VKORC1L1: variants seen among roughly 807,000 people sequenced by gnomAD.
VKORC1L1 encodes the protein vitamin K epoxide reductase complex subunit 1-like protein 1.
Under a neutral mutation model 18.9 loss-of-function variants are expected in VKORC1L1, and 2 were observed. That is an observed-to-expected ratio of 0.11 (90% confidence interval 0.04 to 0.33). The LOEUF (loss-of-function observed/expected upper bound fraction) is 0.33, where lower values mean the gene tolerates loss of function less well. VKORC1L1 is among the 10% of genes least tolerant of loss of function. The pLI is 1.00. For synonymous variants in VKORC1L1, 96 were observed against 100.0 expected (o/e 0.96, Z 0.24); for missense variants, 123 against 224.1 (o/e 0.55, Z 2.88).
chr7:65,891,240 G>A (rs1789106645), intron 1 of VKORC1L1, among the ~76,000 whole-genome samples: 1 of 150,676 alleles, frequency 6.6e-6, no homozygotes, highest in African/African-American at 2.4e-5. Flanking sequence ...TTTGGCTATT[G>A]TGAATTAAGC....
At chr7:65,873,634 C>G (rs1788770836) in intron 1 of VKORC1L1, 69 bp downstream of exon 1, 2 of 1,198,154 alleles carry the variant, frequency 1.7e-6, no homozygotes, top group Admixed American at 3.4e-5. Flanking sequence ...GGGTGGGGAG[C>G]GCGCGGCGGG....
At chr7:65,873,603 CGGGGCGAGG>C in intron 1 of VKORC1L1, 38 bp downstream of exon 1, 1 of 1,301,270 alleles carries the variant, frequency 7.7e-7, no homozygotes, top group South Asian at 1.3e-5. Context: ...AGCGGCCGAG[CGGGGCGAGG>C]GTGGAGTCTC....
intron 1 of VKORC1L1, among the ~76,000 whole-genome samples, chr7:65,915,597 C>T (rs1179752210): frequency 1.3e-5 from 2 of 150,944 alleles, no homozygotes; most frequent in East Asian, 2.0e-4. Flanking sequence ...ATTCTCCCTT[C>T]GTCTCTCCAT....
At chr7:65,917,049 G>A (rs1789600458) in intron 1 of VKORC1L1, among the ~76,000 whole-genome samples, 1 of 151,988 alleles carries the variant, frequency 6.6e-6, no homozygotes, top group Admixed American at 6.6e-5. Flanking sequence ...TTAGATGATA[G>A]TATTAGCATA....
At chr7:65,919,936 G>T (rs945721979) in intron 1 of VKORC1L1, among the ~76,000 whole-genome samples, 13 of 151,992 alleles carry the variant, frequency 8.6e-5, no homozygotes, top group Non-Finnish European at 1.9e-4. Context: ...ACCACCCCTT[G>T]GATGCCCATT....
intron 1 of VKORC1L1, among the ~76,000 whole-genome samples, chr7:65,902,065 A>G (rs1241343803): frequency 1.3e-5 from 2 of 152,212 alleles, no homozygotes; most frequent in Non-Finnish European, 2.9e-5. Flanking sequence ...GTCCAGCCCT[A>G]TTTAAAGAAA....
chr7:65,870,809 G>A (rs139315552), upstream of VKORC1L1, among the ~76,000 whole-genome samples: 340 of 152,214 alleles, frequency 2.2e-3, no homozygotes, highest in African/African-American at 7.4e-3. Flanking sequence ...TAATCAGTGT[G>A]TCATTCTGTC....
At position 65,891,121 on chromosome 7, in the gene VKORC1L1, A is replaced by T. The variant is rs146439737; in HGVS notation, c.194+17556A>T. On this transcript the variant is annotated intron_variant, in intron 1 of 2. Coordinates refer to ENST00000360768, the MANE Select transcript of VKORC1L1 (RefSeq NM_173517.6). ...ATAATTTTTTTTTTTTTTTTTTGCA[A>T]TTTATCCAACTTGGTGGTGGTATGA... Among the ~76,000 whole-genome samples the T allele has an allele frequency of 9.9e-3, 1,371 of 137,998 alleles. 25 individuals carry two copies. The highest frequency in any genetic ancestry group is 0.032 in the African/African-American group (1,231 of 39,044). 90.5% of individuals were successfully genotyped at this position (137,998 alleles called of 152,430 possible). A position where few individuals can be genotyped will look rare whatever the true frequency, so the allele number is the denominator to read the frequency against.
intron 1 of VKORC1L1, among the ~76,000 whole-genome samples, chr7:65,925,095 C>A (rs1320271706): frequency 1.3e-5 from 2 of 152,320 alleles, no homozygotes; most frequent in East Asian, 3.9e-4. Context: ...ACTTCTAAAT[C>A]TGCATTTCAG....
chr7:65,868,279 A>AC (rs112094477), upstream of VKORC1L1, among the ~76,000 whole-genome samples: 63 of 152,100 alleles, frequency 4.1e-4, no homozygotes, highest in East Asian at 5.0e-3. Context: ...ACATAATGAG[A>AC]CCCCCATCTC....
chr7:65,896,057 G>A (rs1180025063), intron 1 of VKORC1L1, among the ~76,000 whole-genome samples: 4 of 150,310 alleles, frequency 2.7e-5, no homozygotes, highest in African/African-American at 4.9e-5. Flanking sequence ...TACCACACTC[G>A]GCCAACTTTT....
chr7:65,939,412 G>A (rs1032040044), intron 1 of VKORC1L1, among the ~76,000 whole-genome samples: 9 of 152,214 alleles, frequency 5.9e-5, no homozygotes, highest in South Asian at 2.1e-4. Flanking sequence ...GATGGTGGTG[G>A]ATATGGTGGC....
chr7:65,931,991 T>C (rs1789865976), intron 1 of VKORC1L1, among the ~76,000 whole-genome samples: 1 of 152,202 alleles, frequency 6.6e-6, no homozygotes, highest in South Asian at 2.1e-4. Context: ...TGGTTTCATT[T>C]ATTTTCTCTA....
At chr7:65,938,148 C>A (rs1423059352) in intron 1 of VKORC1L1, among the ~76,000 whole-genome samples, 1 of 151,920 alleles carries the variant, frequency 6.6e-6, no homozygotes, top group Non-Finnish European at 1.5e-5. Context: ...GCGGAGGTTA[C>A]AGTGAGCAGA....
rs149597076 is a variant in VKORC1L1, at chr7:65,888,774, C to T, written c.194+15209C>T. On this transcript the variant is annotated intron_variant, in intron 1 of 2. Coordinates refer to ENST00000360768, the MANE Select transcript of VKORC1L1 (RefSeq NM_173517.6). ...CACTCAGACCCAATCAGTGTTCTCA[C>T]ATCTGCCTTCCTCCTTCCTGAGAAT... Among the ~76,000 whole-genome samples the T allele has an allele frequency of 6.4e-3, 980 of 152,126 alleles. 15 individuals carry two copies. The highest frequency in any genetic ancestry group is 0.02 in the African/African-American group (831 of 41,548).
intron 1 of VKORC1L1, among the ~76,000 whole-genome samples, chr7:65,887,656 C>G (rs1182712219): frequency 6.6e-6 from 1 of 152,140 alleles, no homozygotes; most frequent in East Asian, 1.9e-4. Context: ...AGGTGTTGCC[C>G]AAATACTAGC....
At position 65,873,524 on chromosome 7, in the gene VKORC1L1, C is replaced by T; in HGVS notation, c.153C>T (p.Asp51=). The stretch of plus-strand genomic sequence containing the variant: ...ACCCCGAGCACCGGGCCCTCTGCGA[C>T]CTGGGGCCCTGGGTGAAGTGCTCCG... ...ERDPEHRALC[D]LGPWVKCSAA... Residue 51 remains aspartate (D), a synonymous_variant, in exon 1 of 3, where the codon GAC becomes GAT. Coordinates refer to ENST00000360768, the MANE Select transcript of VKORC1L1 (RefSeq NM_173517.6). 6.3e-7 allele frequency: 1 copy of T among 1,583,322 alleles called. No homozygotes were observed. Among genetic ancestry groups the T allele is most frequent in the Non-Finnish European group, 8.6e-7 (1 of 1,167,686 alleles).
chr7:65,922,127 CATT>C (rs1417716450), intron 1 of VKORC1L1, among the ~76,000 whole-genome samples: 1 of 152,024 alleles, frequency 6.6e-6, no homozygotes, highest in Non-Finnish European at 1.5e-5. Flanking sequence ...CCTTTTTTGT[CATT>C]ATTGTCATTT....
At chr7:65,872,573 C>T (rs1371635116), upstream of VKORC1L1, among the ~76,000 whole-genome samples, 1 of 152,210 alleles carries the variant, frequency 6.6e-6, no homozygotes, top group Non-Finnish European at 1.5e-5. Flanking sequence ...AGTGATCCAC[C>T]TGCCTCGGCC....
Sources: gnomAD v4.1 joint callset for allele counts (sites outside exome capture counted in the v4.1 genomes callset) on GRCh38, gnomAD v4.1.1 for gene constraint, MANE v1.5 for transcripts, NCBI Gene and HGNC (gene_info 2026-07-23, HGNC 2026-07-21) for gene names.